ROBO2: variants seen among roughly 807,000 people sequenced by gnomAD.
The protein encoded by ROBO2 is roundabout homolog 2.
ROBO2 carries 53 observed loss-of-function variants against 160.8 expected under a neutral mutation model. The ratio of observed to expected loss-of-function variants is 0.33; its 90% CI spans 0.26 to 0.41. The LOEUF is 0.41. Among genes scored for constraint, ROBO2 ranks in the 10% least tolerant of loss-of-function variants. The pLI, the probability that ROBO2 is intolerant of heterozygous loss-of-function variation, is 1.00. For synonymous variants in ROBO2, 664 were observed against 611.7 expected, an observed-to-expected ratio of 1.09 and a Z score of -1.26; for missense variants, 1,577 against 1,722.4, an observed-to-expected ratio of 0.92 and a Z score of 1.49.
chr3:76,357,563 T>C (rs1444570991), intron 2 of ROBO2, among the ~76,000 whole-genome samples: 2 of 151,960 alleles, frequency 1.3e-5, no homozygotes, highest in African/African-American at 4.8e-5. Flanking sequence ...GGTTACAAAA[T>C]AAAACCCACT....
chr3:76,454,169 A>G (rs539141710), intron 2 of ROBO2, among the ~76,000 whole-genome samples: 3 of 152,310 alleles, frequency 2.0e-5, no homozygotes, highest in Non-Finnish European at 4.4e-5. Context: ...AAATCCTGGG[A>G]ATCCAGAAGT....
chr3:76,493,814 A>T (rs1252305783), intron 2 of ROBO2, among the ~76,000 whole-genome samples: 2 of 152,160 alleles, frequency 1.3e-5, no homozygotes. Flanking sequence ...TCTCAAAGTT[A>T]TCATGAAAGA....
chr3:77,136,940 C>T (rs917130470), intron 2 of ROBO2, among the ~76,000 whole-genome samples: 4 of 151,844 alleles, frequency 2.6e-5, no homozygotes, highest in African/African-American at 9.7e-5. Flanking sequence ...TGGCCACACC[C>T]AGTTAATTTT....
At chr3:77,179,036 T>C (rs2080434197) in intron 2 of ROBO2, among the ~76,000 whole-genome samples, 1 of 152,106 alleles carries the variant, frequency 6.6e-6, no homozygotes, top group South Asian at 2.1e-4. Flanking sequence ...TAACATATCA[T>C]AGTATGTGGT....
chr3:76,555,134 T>TTGAAGTAATATAAAAATCCCTAGTCTA (rs2083629347), intron 2 of ROBO2, among the ~76,000 whole-genome samples: 1 of 152,004 alleles, frequency 6.6e-6, no homozygotes, highest in African/African-American at 2.4e-5. Flanking sequence ...GGACATTCAA[T>TTGAAGTAATATAAAAATCCCTAGTCTA]TGAAGTAATA....
intron 2 of ROBO2, among the ~76,000 whole-genome samples, chr3:77,280,401 A>T (rs1489130361): frequency 6.6e-6 from 1 of 152,140 alleles, no homozygotes; most frequent in Non-Finnish European, 1.5e-5. Flanking sequence ...GCCTTTCTAG[A>T]TAGAGAAATT....
intron 2 of ROBO2, among the ~76,000 whole-genome samples, chr3:77,102,767 C>A (rs939982933): frequency 4.4e-5 from 6 of 135,042 alleles, no homozygotes; most frequent in Non-Finnish European, 3.1e-5. Context: ...TGTTCTGGAA[C>A]AATACAGCAG....
intron 2 of ROBO2, among the ~76,000 whole-genome samples, chr3:76,251,720 C>A (rs769066069): frequency 2.6e-5 from 4 of 151,996 alleles, no homozygotes; most frequent in Admixed American, 6.6e-5. Flanking sequence ...AAATAAGGAA[C>A]ATTCAGTTAA....
chr3:77,198,074 G>C (rs1250367935), intron 2 of ROBO2, among the ~76,000 whole-genome samples: 1 of 152,168 alleles, frequency 6.6e-6, no homozygotes, highest in Non-Finnish European at 1.5e-5. Flanking sequence ...CATAGTAGGT[G>C]CTTCATAAAT....
At chr3:76,796,858 T>TTA (rs1454790523) in intron 2 of ROBO2, among the ~76,000 whole-genome samples, 1 of 151,864 alleles carries the variant, frequency 6.6e-6, no homozygotes, top group African/African-American at 2.4e-5. Flanking sequence ...ATCAAGCCCC[T>TTA]TATATAATTA....
intron 2 of ROBO2, among the ~76,000 whole-genome samples, chr3:76,342,664 A>T (rs2074299245): frequency 6.6e-6 from 1 of 152,148 alleles, no homozygotes; most frequent in Admixed American, 6.5e-5. Flanking sequence ...ATTATATGCT[A>T]GCCATGCTAG....
At chr3:76,435,183 AG>A (rs1463342323) in intron 2 of ROBO2, 2 of 1,130,818 alleles carry the variant, frequency 1.8e-6, no homozygotes, top group Non-Finnish European at 2.7e-6. Context: ...AATCAACAGT[AG>A]GGATGTCAAA....
intron 2 of ROBO2, among the ~76,000 whole-genome samples, chr3:76,003,669 C>A (rs367949847): frequency 9.8e-5 from 15 of 152,312 alleles, no homozygotes; most frequent in African/African-American, 3.6e-4. Context: ...CCAGATGGGG[C>A]AGCCCAAGGA....
rs118000000 is a variant in ROBO2 at position 76,861,301 on chromosome 3, C to G, written c.110-236713C>G. ...TAATAGTGGTACCTACCTTGTAAGT[C>G]CTAACTTACTAAGTCTAAGGTATTA... On this transcript the variant is annotated intron_variant, in intron 2 of 26. Coordinates refer to the ROBO2 transcript ENST00000487694. Among the ~76,000 whole-genome samples, 140 of 152,266 alleles carry G rather than the reference C, an allele frequency of 9.2e-4. 1 individual carries two copies. The East Asian group carries it at 0.027, about 29-fold the overall frequency.
At chr3:76,005,047 G>C (rs900645663) in intron 2 of ROBO2, among the ~76,000 whole-genome samples, 5 of 152,184 alleles carry the variant, frequency 3.3e-5, no homozygotes, top group African/African-American at 1.2e-4. Context: ...ATCTCTTGCT[G>C]TCTCACCTTC....
At chr3:76,780,686 A>G (rs946905463) in intron 2 of ROBO2, among the ~76,000 whole-genome samples, 18 of 150,830 alleles carry the variant, frequency 1.2e-4, no homozygotes, top group African/African-American at 4.4e-4. Context: ...TACTAAAGAG[A>G]CTATCCTTTC....
At chr3:77,071,088 G>A (rs552944341) in intron 1 of ROBO2, among the ~76,000 whole-genome samples, 1 of 152,258 alleles carries the variant, frequency 6.6e-6, no homozygotes, top group South Asian at 2.1e-4. Context: ...AGGTTATGCT[G>A]TGAAAGGAAA....
At chr3:77,413,091 G>A (rs2076934553) in intron 2 of ROBO2, among the ~76,000 whole-genome samples, 1 of 151,944 alleles carries the variant, frequency 6.6e-6, no homozygotes, top group East Asian at 1.9e-4. Context: ...CAGGCTTTGG[G>A]ACCAGTACTC....
intron 2 of ROBO2, chr3:76,434,845 A>G (rs1291849473): frequency 1.3e-6 from 2 of 1,571,484 alleles, no homozygotes; most frequent in Admixed American, 1.7e-5. Context: ...AAGACTCACA[A>G]GAACCCTGCC....
Sources: allele counts gnomAD v4.1 joint callset (sites outside exome capture counted in the v4.1 genomes callset), GRCh38; gene constraint gnomAD v4.1.1; transcripts MANE v1.5; gene names NCBI Gene and HGNC (gene_info 2026-07-23, HGNC 2026-07-21).